The following NFATC2 variants were observed in gnomAD, a reference collection of about 807,000 sequenced individuals.
NFATC2 encodes nuclear factor of activated T cells 2, also known as nuclear factor of activated T-cells, cytoplasmic 2.
NFATC2 carries 22 observed loss-of-function variants against 87.3 expected under a neutral mutation model. That is an observed-to-expected ratio of 0.25 (90% CI 0.18 to 0.36). The LOEUF is 0.36. Ranked by LOEUF, NFATC2 falls within the 10% of genes least tolerant of loss-of-function variation. NFATC2 has a pLI of 1.00. For synonymous variants in NFATC2, 565 were observed against 542.2 expected (o/e 1.04, Z -0.58); for missense variants, 1,149 against 1,259.1 (o/e 0.91, Z 1.32).
At chr20:51,487,700 A>C (rs1180172787) in intron 3 of NFATC2, among the ~76,000 whole-genome samples, 1 of 152,130 alleles carries the variant, frequency 6.6e-6, no homozygotes, top group Non-Finnish European at 1.5e-5. Context: ...CCATGGCATA[A>C]AAAAGGTGAG....
Position 51,454,532 on chromosome 20 carries a change from T to C in NFATC2, c.1849+16A>G. On this transcript the variant is annotated intron_variant, in intron 6 of 10. Transcript: ENST00000371564. ...TGATTCTGGGGGACAGAGAAAGAGC[T>C]CAAAAATCCACTGACCTGTGGTCTT... 1 of 1,613,368 alleles carries C rather than the reference T, an allele frequency of 6.2e-7. No homozygotes were observed. Among genetic ancestry groups the C allele is most frequent in the Non-Finnish European group, 8.5e-7 (1 of 1,179,702 alleles).
chr20:51,418,012 G>T (rs867289795), intron 9 of NFATC2, among the ~76,000 whole-genome samples: 1 of 152,178 alleles, frequency 6.6e-6, no homozygotes, highest in Non-Finnish European at 1.5e-5. Context: ...AAGCAAGGAA[G>T]AATGAAGGCT....
At chr20:51,559,819 T>G (rs540587328) in intron 1 of NFATC2, among the ~76,000 whole-genome samples, 2 of 152,338 alleles carry the variant, frequency 1.3e-5, no homozygotes, top group South Asian at 4.2e-4. Context: ...CAGACAATAC[T>G]ATTTGGTGTG....
rs778528969 is a variant in NFATC2 at position 51,480,032 on chromosome 20, A to G, written c.1333-4372T>C. On this transcript the variant is annotated intron_variant, in intron 3 of 10. Transcript: ENST00000371564. The surrounding 1 kb of genome is among the most constrained non-coding windows in gnomAD (Gnocchi z 4.2). Reference sequence around the variant, plus strand: ...GCCAGGCGCGGTGGCTCGTGCCTGTAATCCCAGCACTTTGGGAGGCTGAGG... The same window carrying G: ...GCCAGGCGCGGTGGCTCGTGCCTGTGATCCCAGCACTTTGGGAGGCTGAGG... Among the ~76,000 whole-genome samples the G allele has an allele frequency of 3.9e-5, 6 of 152,162 alleles. No homozygotes were observed. The highest frequency in any genetic ancestry group is 7.2e-5 in the African/African-American group (3 of 41,432).
At chr20:51,500,436 C>T (rs992814766) in intron 3 of NFATC2, among the ~76,000 whole-genome samples, 3 of 151,998 alleles carry the variant, frequency 2.0e-5, no homozygotes, top group Admixed American at 2.0e-4. Flanking sequence ...CAAAACTAAA[C>T]ATAGGCACTT....
chr20:51,459,367 G>A (rs934235084), intron 5 of NFATC2, among the ~76,000 whole-genome samples: 3 of 152,178 alleles, frequency 2.0e-5, no homozygotes. Flanking sequence ...GCAGAGAGAC[G>A]GAGAGCAGAT....
intron 5 of NFATC2, among the ~76,000 whole-genome samples, chr20:51,462,597 G>A (rs1217792031): frequency 6.6e-6 from 1 of 152,076 alleles, no homozygotes. Context: ...CTAATTTTGG[G>A]ACTTTGAGCA....
rs60592460 is a variant in NFATC2, at chr20:51,552,026, C to CA, written c.70+10533dup. 2.6e-3 allele frequency among the ~76,000 whole-genome samples: 381 copies of CA among 146,052 alleles called. 1 individual carries two copies. The highest frequency in any genetic ancestry group is 4.7e-3 in the Non-Finnish European group (309 of 66,106). On this transcript the variant is annotated intron_variant, in intron 1 of 10. Coordinates refer to the NFATC2 transcript ENST00000414705. ...TGGGCGACAGAGCGAGGCTCCATCTCAAAAAAAAAAAAATGTGTATTAAAA... is the reference window on the plus strand; with the variant it reads ...TGGGCGACAGAGCGAGGCTCCATCTCAAAAAAAAAAAAAATGTGTATTAAAA...
chr20:51,508,444 T>G (rs187177497), intron 3 of NFATC2, among the ~76,000 whole-genome samples: 1 of 152,096 alleles, frequency 6.6e-6, no homozygotes, highest in Non-Finnish European at 1.5e-5. Flanking sequence ...GGCCCACGGG[T>G]GTACCTGGTT....
intron 9 of NFATC2, among the ~76,000 whole-genome samples, chr20:51,400,519 T>C (rs563747047): frequency 1.3e-5 from 2 of 152,248 alleles, no homozygotes; most frequent in African/African-American, 4.8e-5. Context: ...AACCAAGCCC[T>C]GTTCTGTCAC....
chr20:51,471,056 T>C (rs183050865), intron 5 of NFATC2, among the ~76,000 whole-genome samples: 42 of 152,324 alleles, frequency 2.8e-4, no homozygotes, highest in African/African-American at 9.9e-4. Context: ...AGAAGGCAGG[T>C]GAATCAGGCA....
upstream of NFATC2, among the ~76,000 whole-genome samples, chr20:51,544,919 T>C (rs926668): frequency 0.21 from 31,538 of 152,144 alleles, 3,354 homozygotes; most frequent in East Asian, 0.23. Flanking sequence ...CACCTCCTGG[T>C]TGTCAGAGCA....
At chr20:51,549,824 G>A (rs909478096) in intron 1 of NFATC2, among the ~76,000 whole-genome samples, 4 of 152,228 alleles carry the variant, frequency 2.6e-5, no homozygotes, top group African/African-American at 9.6e-5. Flanking sequence ...ACGGCATTCC[G>A]CACCTGGAAT....
intron 1 of NFATC2, among the ~76,000 whole-genome samples, chr20:51,559,927 T>C (rs946732643): frequency 3.3e-5 from 5 of 152,268 alleles, no homozygotes; most frequent in African/African-American, 1.2e-4. Context: ...TCATTATTCC[T>C]TTTTGCAAAT....
chr20:51,425,563 G>A (rs914108997), intron 9 of NFATC2, among the ~76,000 whole-genome samples: 5 of 152,236 alleles, frequency 3.3e-5, no homozygotes, highest in South Asian at 2.1e-4. Flanking sequence ...CCGGGCTCAC[G>A]GCAGGGCTCT....
At chr20:51,421,089 CA>C (rs949191036) in intron 9 of NFATC2, among the ~76,000 whole-genome samples, 4 of 139,296 alleles carry the variant, frequency 2.9e-5, no homozygotes, top group Admixed American at 2.1e-4. Flanking sequence ...AAAAAAAAAA[CA>C]AAAAAAACTA....
At chr20:51,425,617 A>G (rs1356379015) in intron 9 of NFATC2, among the ~76,000 whole-genome samples, 1 of 152,222 alleles carries the variant, frequency 6.6e-6, no homozygotes. Flanking sequence ...CTCCCCACAC[A>G]GGAGCCGCTT....
intron 6 of NFATC2, among the ~76,000 whole-genome samples, chr20:51,444,984 C>A (rs1198952314): frequency 6.6e-6 from 1 of 152,124 alleles, no homozygotes; most frequent in African/African-American, 2.4e-5. Flanking sequence ...CCCAACCATC[C>A]CCCACCGGGA....
At chr20:51,522,620 T>G (rs1193484232) in intron 2 of NFATC2, among the ~76,000 whole-genome samples, 1 of 151,056 alleles carries the variant, frequency 6.6e-6, no homozygotes, top group South Asian at 2.1e-4. Flanking sequence ...ACACAGCAGA[T>G]GCTAACAAAC....
Sources: gnomAD v4.1 joint callset for allele counts (sites outside exome capture counted in the v4.1 genomes callset) on GRCh38, gnomAD v4.1.1 for gene constraint, Gnocchi (gnomAD v3.1) non-coding constraint, MANE v1.5 for transcripts, NCBI Gene and HGNC (gene_info 2026-07-23, HGNC 2026-07-21) for gene names.